FGD4: variants seen among roughly 807,000 people sequenced by gnomAD.
FGD4 encodes the protein FYVE, RhoGEF and PH domain-containing protein 4.
Under a neutral mutation model 102.0 loss-of-function variants are expected in FGD4, and 42 were observed. That is an observed-to-expected ratio of 0.41 (90% CI 0.32 to 0.53). FGD4 has a LOEUF of 0.53. Ranked by LOEUF, FGD4 falls within the 20% of genes least tolerant of loss-of-function variation. FGD4 has a pLI of 0.21. For synonymous variants in FGD4, 380 were observed against 375.7 expected (o/e 1.01, Z -0.13); for missense variants, 902 against 1,078.2 (o/e 0.84, Z 2.29).
At position 32,501,995 on chromosome 12, in the gene FGD4, C is replaced by T. The variant is rs1258789956; in HGVS notation, c.167-62142C>T. ...CCAAACACCTGCTAGGCAAGCCCTGCGCATGTGAGTGGCTATATATGTTCC... is the reference window on the plus strand; with the variant it reads ...CCAAACACCTGCTAGGCAAGCCCTGTGCATGTGAGTGGCTATATATGTTCC... On this transcript the variant is annotated intron_variant, in intron 1 of 16. Transcript: ENST00000534526. 1.0e-5 allele frequency: 10 copies of T among 974,566 alleles called. No homozygotes were observed. The South Asian group carries it at 1.4e-4, about 14-fold the overall frequency. 60.4% of individuals were successfully genotyped at this position (974,566 alleles called of 1,614,324 possible).
intron 4 of FGD4, among the ~76,000 whole-genome samples, chr12:32,592,860 G>GA (rs1246327624): frequency 6.6e-6 from 1 of 151,924 alleles, no homozygotes; most frequent in Non-Finnish European, 1.5e-5. Context: ...ATTTATGTTG[G>GA]AAAAAAATAA....
intron 14 of FGD4, 21 bp from the exon 15 acceptor site, chr12:32,633,528 C>G (rs776956141): frequency 6.2e-7 from 1 of 1,606,252 alleles, no homozygotes; most frequent in Non-Finnish European, 8.5e-7. Flanking sequence ...GATTACTGTT[C>G]ATTTTTCTTT....
chr12:32,635,576 TAA>T (rs1950757314), intron 15 of FGD4, among the ~76,000 whole-genome samples: 1 of 152,138 alleles, frequency 6.6e-6, no homozygotes, highest in Admixed American at 6.5e-5. Flanking sequence ...CACTTTCCTG[TAA>T]AGAGTCAGAG....
At chr12:32,420,599 T>A (rs563437373) in intron 1 of FGD4, among the ~76,000 whole-genome samples, 303 of 152,318 alleles carry the variant, frequency 2.0e-3, no homozygotes, top group Middle Eastern at 3.4e-3. Flanking sequence ...CAAGTGACGG[T>A]TGTTCATCTT....
intron 4 of FGD4, among the ~76,000 whole-genome samples, chr12:32,592,001 G>A (rs1947512516): frequency 6.6e-6 from 1 of 152,054 alleles, no homozygotes; most frequent in Non-Finnish European, 1.5e-5. Context: ...TTTTTATTTT[G>A]AGGCAATACT....
At chr12:32,631,556 G>T (rs1243173989) in intron 14 of FGD4, among the ~76,000 whole-genome samples, 1 of 147,912 alleles carries the variant, frequency 6.8e-6, no homozygotes, top group Non-Finnish European at 1.5e-5. Flanking sequence ...CCGGGCTGGA[G>T]TGCACTGGCG....
chr12:32,469,318 G>A (rs988249873), intron 1 of FGD4, among the ~76,000 whole-genome samples: 4 of 151,210 alleles, frequency 2.6e-5, no homozygotes, highest in East Asian at 2.0e-4. Flanking sequence ...TTGCTCTGTC[G>A]CCCAGGCTGG....
chr12:32,417,639 G>T (rs1941470486), intron 1 of FGD4, among the ~76,000 whole-genome samples: 1 of 151,736 alleles, frequency 6.6e-6, no homozygotes, highest in Admixed American at 6.6e-5. Context: ...TGTATTTTTA[G>T]TAGAGATAGG....
At chr12:32,414,252 G>A (rs972189398) in intron 1 of FGD4, among the ~76,000 whole-genome samples, 2 of 151,946 alleles carry the variant, frequency 1.3e-5, no homozygotes, top group Non-Finnish European at 2.9e-5. Flanking sequence ...GATTATAGGC[G>A]TGTGCCACCG....
intron 4 of FGD4, among the ~76,000 whole-genome samples, chr12:32,585,054 C>A (rs1042909644): frequency 6.6e-6 from 1 of 151,446 alleles, no homozygotes; most frequent in Non-Finnish European, 1.5e-5. Context: ...AACCCCATCT[C>A]TACTAAAAAT....
intron 1 of FGD4, among the ~76,000 whole-genome samples, chr12:32,425,555 G>A (rs536236658): frequency 6.6e-6 from 1 of 152,294 alleles, no homozygotes; most frequent in South Asian, 2.1e-4. Flanking sequence ...GGCTATATGA[G>A]TTCTTTTTTG....
intron 1 of FGD4, among the ~76,000 whole-genome samples, chr12:32,510,893 T>A (rs1939293150): frequency 6.6e-6 from 1 of 152,208 alleles, no homozygotes. Context: ...CTTTTTAAAG[T>A]GCTTAAGTGT....
At chr12:32,478,276 T>G (rs1943633904) in intron 1 of FGD4, among the ~76,000 whole-genome samples, 1 of 152,260 alleles carries the variant, frequency 6.6e-6, no homozygotes, top group Non-Finnish European at 1.5e-5. Flanking sequence ...ATTGTGTTTT[T>G]TAATGAGACA....
chr12:32,493,146 A>G (rs1165813575), intron 1 of FGD4, among the ~76,000 whole-genome samples: 3 of 152,252 alleles, frequency 2.0e-5, no homozygotes, highest in Non-Finnish European at 4.4e-5. Flanking sequence ...TCTAGCATCA[A>G]AGTCACTGGG....
At chr12:32,552,222 T>G (rs551905876) in intron 1 of FGD4, among the ~76,000 whole-genome samples, 1 of 152,278 alleles carries the variant, frequency 6.6e-6, no homozygotes, top group South Asian at 2.1e-4. Flanking sequence ...GTAATTTGTG[T>G]ACTGTAAATA....
chr12:32,538,117 C>T (rs1942465569), intron 1 of FGD4, among the ~76,000 whole-genome samples: 1 of 152,108 alleles, frequency 6.6e-6, no homozygotes, highest in South Asian at 2.1e-4. Context: ...AGGCAGGTCT[C>T]GAACTCCTGA....
chr12:32,582,903 G>T, intron 4 of FGD4: 1 of 166,220 alleles, frequency 6.0e-6, no homozygotes, highest in Non-Finnish European at 1.3e-5. Flanking sequence ...ACTAGTAAAT[G>T]TTACTTTTAA....
chr12:32,614,278 G>A (rs1171383659), intron 10 of FGD4, among the ~76,000 whole-genome samples: 3 of 152,268 alleles, frequency 2.0e-5, no homozygotes, highest in Non-Finnish European at 1.5e-5. Flanking sequence ...AGCTTCTAAA[G>A]CATTTCTACA....
chr12:32,480,311 G>A (rs1208574023), intron 1 of FGD4, among the ~76,000 whole-genome samples: 12 of 151,416 alleles, frequency 7.9e-5, no homozygotes, highest in African/African-American at 2.4e-4. Flanking sequence ...ACAGGTACGT[G>A]CCACCATGCC....
Sources: gnomAD v4.1 joint callset for allele counts (sites outside exome capture counted in the v4.1 genomes callset) on GRCh38, gnomAD v4.1.1 for gene constraint, MANE v1.5 for transcripts, NCBI Gene and HGNC (gene_info 2026-07-23, HGNC 2026-07-21) for gene names.